The following ARID4A variants were observed in gnomAD, a reference collection of about 807,000 sequenced individuals.
The protein encoded by ARID4A is AT-rich interactive domain-containing protein 4A.
ARID4A carries 39 observed loss-of-function variants against 148.6 expected under a neutral mutation model. That is an observed-to-expected ratio of 0.26 (90% CI 0.20 to 0.34). The LOEUF is 0.34. Ranked by LOEUF, ARID4A falls within the 10% of genes least tolerant of loss-of-function variation. ARID4A has a pLI of 1.00. For synonymous variants in ARID4A, 475 were observed against 481.2 expected, an observed-to-expected ratio of 0.99 and a Z score of 0.17; for missense variants, 1,265 against 1,449.1, an observed-to-expected ratio of 0.87 and a Z score of 2.06.
intron 5 of ARID4A, among the ~76,000 whole-genome samples, chr14:58,317,345 T>A (rs999759590): frequency 6.8e-6 from 1 of 147,324 alleles, no homozygotes; most frequent in East Asian, 2.0e-4. Context: ...AGTGCAGTGG[T>A]GCAATCTCGG....
chr14:58,301,263 ATTTTTTCTGT>A (rs1167851533), intron 2 of ARID4A, among the ~76,000 whole-genome samples: 4 of 148,542 alleles, frequency 2.7e-5, no homozygotes, highest in Non-Finnish European at 5.9e-5. Context: ...AATATGAAAT[ATTTTTTCTGT>A]TTTTTTCTTA....
intron 5 of ARID4A, among the ~76,000 whole-genome samples, chr14:58,312,435 C>T (rs965680146): frequency 1.3e-5 from 2 of 151,980 alleles, no homozygotes; most frequent in African/African-American, 2.4e-5. Flanking sequence ...AGGCCAGTCT[C>T]GAACTCCTGA....
chr14:58,309,470 A>G (rs1037553295), intron 5 of ARID4A, among the ~76,000 whole-genome samples: 62 of 152,332 alleles, frequency 4.1e-4, no homozygotes, highest in African/African-American at 1.5e-3. Context: ...CAGTCATTCA[A>G]AAGGTGTTAA....
At chr14:58,307,940 T>A (rs1305559903) in intron 5 of ARID4A, among the ~76,000 whole-genome samples, 3 of 152,202 alleles carry the variant, frequency 2.0e-5, no homozygotes, top group Admixed American at 2.0e-4. Flanking sequence ...GGAAAATATA[T>A]GATGCATATT....
At chr14:58,363,211 C>T (rs895628243) in intron 19 of ARID4A, among the ~76,000 whole-genome samples, 2 of 152,102 alleles carry the variant, frequency 1.3e-5, no homozygotes, top group African/African-American at 4.8e-5. Context: ...CTAAAAAATT[C>T]ATGTTTGCAG....
At chr14:58,299,707 C>T (rs2030962067) in intron 1 of ARID4A, 91 bp from the exon 2 acceptor site, 3 of 1,132,244 alleles carry the variant, frequency 2.6e-6, no homozygotes, top group East Asian at 2.4e-5. Flanking sequence ...GATTCTGCCC[C>T]TCCCCGCTGG....
chr14:58,306,958 A>AG (rs1228682483), intron 5 of ARID4A, among the ~76,000 whole-genome samples: 1 of 152,236 alleles, frequency 6.6e-6, no homozygotes, highest in African/African-American at 2.4e-5. Flanking sequence ...TCCATGCATA[A>AG]GCTTATACTG....
At chr14:58,365,369 A>G in intron 20 of ARID4A, 69 bp downstream of exon 20, 1 of 1,498,218 alleles carries the variant, frequency 6.7e-7, no homozygotes, top group East Asian at 2.3e-5. Context: ...AGTTTCAGGT[A>G]CTGTTGATCT....
rs1410318159 is a variant in ARID4A, at chr14:58,373,054, A to C, written c.*1065A>C. 5.0e-6 allele frequency: 1 copy of C among 200,036 alleles called. No homozygotes were observed. The highest frequency in any genetic ancestry group is 1.0e-5 in the Non-Finnish European group (1 of 96,974). The allele number at this position is 200,036 out of a possible 1,614,324, so 12.4% of individuals were successfully genotyped here. A position where few individuals can be genotyped will look rare whatever the true frequency, so the allele number is the denominator to read the frequency against. ...GTCTCAGTCCATCAAACAGTATAGAACTATAAATGGGCATCTGGATCATTA... is the reference window on the plus strand; with the variant it reads ...GTCTCAGTCCATCAAACAGTATAGACCTATAAATGGGCATCTGGATCATTA... On this transcript the variant is annotated 3_prime_UTR_variant, in exon 24 of 24. Transcript: ENST00000355431.
chr14:58,314,542 C>T (rs2032276619), intron 5 of ARID4A, among the ~76,000 whole-genome samples: 1 of 152,180 alleles, frequency 6.6e-6, no homozygotes, highest in Non-Finnish European at 1.5e-5. Flanking sequence ...CCTCCTACCT[C>T]AGCCATTCAA....
At chr14:58,366,824 C>A in intron 22 of ARID4A, 59 bp from the exon 23 acceptor site, 1 of 1,304,682 alleles carries the variant, frequency 7.7e-7, no homozygotes, top group Non-Finnish European at 1.0e-6. Flanking sequence ...ATAGAATTGT[C>A]ATCATTTTTC....
chr14:58,362,440 A>G (rs2035174175), intron 19 of ARID4A, among the ~76,000 whole-genome samples: 1 of 151,944 alleles, frequency 6.6e-6, no homozygotes, highest in Non-Finnish European at 1.5e-5. Context: ...AAATTTAAAA[A>G]TTAGCCAGGC....
intron 8 of ARID4A, among the ~76,000 whole-genome samples, chr14:58,326,918 T>C (rs1441641734): frequency 3.3e-5 from 5 of 152,204 alleles, no homozygotes; most frequent in African/African-American, 7.2e-5. Context: ...GTGTATCTTT[T>C]TATGTTTGCC....
intron 11 of ARID4A, among the ~76,000 whole-genome samples, chr14:58,341,825 T>G (rs192737348): frequency 1.1e-3 from 160 of 152,338 alleles, no homozygotes; most frequent in Non-Finnish European, 1.7e-3. Context: ...CTCTTGGATC[T>G]CTGGCATTTT....
intron 18 of ARID4A, among the ~76,000 whole-genome samples, chr14:58,359,746 T>C (rs1039839882): frequency 2.0e-5 from 3 of 152,174 alleles, no homozygotes; most frequent in Admixed American, 6.5e-5. Flanking sequence ...ATATACGATA[T>C]TGTGTTTGTT....
At chr14:58,320,408 G>A (rs2032793544) in intron 7 of ARID4A, among the ~76,000 whole-genome samples, 1 of 152,044 alleles carries the variant, frequency 6.6e-6, no homozygotes, top group South Asian at 2.1e-4. Flanking sequence ...AACGCTGATA[G>A]ACTACTATCA....
chr14:58,351,359 G>C, intron 16 of ARID4A, 36 bp downstream of exon 16: 1 of 1,570,642 alleles, frequency 6.4e-7, no homozygotes, highest in Non-Finnish European at 8.6e-7. Context: ...AGAAGCACCT[G>C]TCTGGGGTAC....
At chr14:58,357,750 GT>G (rs1428032459) in intron 17 of ARID4A, among the ~76,000 whole-genome samples, 2 of 151,464 alleles carry the variant, frequency 1.3e-5, no homozygotes, top group Non-Finnish European at 2.9e-5. Flanking sequence ...ACTGCCTGTT[GT>G]TTCTTTACTT....
chr14:58,366,100 A>G lies in ARID4A; in HGVS notation c.3393A>G (p.Val1131=). The change falls in exon 22 of 24, where the codon GTA becomes GTG. Residue 1131 remains valine (V), a synonymous_variant. Transcript: ENST00000355431. Reference sequence around the variant, plus strand: ...GTACCCCAGTAAAGCATCTTAATGTATCTAAGCCACAGAAACTTGCACGAT... The same window carrying G: ...GTACCCCAGTAAAGCATCTTAATGTGTCTAAGCCACAGAAACTTGCACGAT... The part of the protein sequence containing the change: ...SKCTPVKHLN[V]SKPQKLARSP... The G allele has an allele frequency of 5.0e-6, 8 of 1,613,894 alleles. No individual in the cohort carries two copies. Among genetic ancestry groups the G allele is most frequent in the Admixed American group, 1.7e-5 (1 of 60,016 alleles).
Sources: gnomAD v4.1 joint callset for allele counts (sites outside exome capture counted in the v4.1 genomes callset) on GRCh38, gnomAD v4.1.1 for gene constraint, MANE v1.5 for transcripts, NCBI Gene and HGNC (gene_info 2026-07-23, HGNC 2026-07-21) for gene names.